TPM1: variants seen among roughly 807,000 people sequenced by gnomAD.
TPM1 encodes tropomyosin 1.
Under a neutral mutation model 42.9 loss-of-function variants are expected in TPM1, and 24 were observed. The ratio of observed to expected loss-of-function variants is 0.56; its 90% CI spans 0.41 to 0.79. The LOEUF is 0.79. TPM1 is among the 30% of genes least tolerant of loss of function. TPM1 has a pLI of 0.00. For synonymous variants in TPM1, 136 were observed against 130.1 expected, an observed-to-expected ratio of 1.05 and a Z score of -0.31; for missense variants, 158 against 351.8, an observed-to-expected ratio of 0.45 and a Z score of 4.41.
At chr15:63,070,876 T>C, downstream of TPM1, 1 of 1,350,036 alleles carries the variant, frequency 7.4e-7, no homozygotes, top group Non-Finnish European at 9.6e-7. Flanking sequence ...ACCTGACTGC[T>C]CTGTGAGAAT....
At chr15:63,063,522 A>G (rs2035924280) in intron 8 of TPM1, 1 of 256,558 alleles carries the variant, frequency 3.9e-6, no homozygotes, top group Non-Finnish European at 6.1e-6. Context: ...CTTAAATGGC[A>G]CTAAGAAATC....
At chr15:63,050,249 A>G (rs1396524370) in intron 2 of TPM1, among the ~76,000 whole-genome samples, 1 of 152,218 alleles carries the variant, frequency 6.6e-6, no homozygotes, top group East Asian at 1.9e-4. Flanking sequence ...TGGCCTGCTC[A>G]TTTCATGACA....
chr15:63,061,441 C>A, intron 5 of TPM1: 2 of 792,224 alleles, frequency 2.5e-6, no homozygotes. Flanking sequence ...CTTTGTTTTC[C>A]CTTCATAAAT....
intron 2 of TPM1, chr15:63,047,927 G>A: frequency 4.8e-6 from 1 of 210,374 alleles, no homozygotes; most frequent in Non-Finnish European, 9.7e-6. Flanking sequence ...TAGGAAAACT[G>A]CATTTAGAAC....
In TPM1 at chr15:63,066,000, C is replaced by A; in HGVS notation, c.*101C>A. ...ATTCTCCAGCTGACCCTGGTTCTCT[C>A]TCTTAGCATCCTGCCTTAGAGCCAG... On this transcript the variant is annotated 3_prime_UTR_variant, in exon 10 of 10. Coordinates refer to ENST00000403994, the MANE Select transcript of TPM1 (RefSeq NM_001018005.2). 6.4e-7 allele frequency: 1 copy of A among 1,563,710 alleles called. No homozygotes were observed. The highest frequency in any genetic ancestry group is 8.7e-7 in the Non-Finnish European group (1 of 1,154,036).
At chr15:63,061,619 A>G in intron 5 of TPM1, 94 bp from the exon 6 acceptor site, 1 of 1,186,608 alleles carries the variant, frequency 8.4e-7, no homozygotes, top group Non-Finnish European at 1.3e-6. Context: ...CGTCTCTAGG[A>G]CTCAGTTTTC....
intron 2 of TPM1, chr15:63,048,629 G>C: frequency 1.3e-6 from 2 of 1,536,934 alleles, no homozygotes; most frequent in Non-Finnish European, 1.8e-6. Context: ...GGAGCCTGCA[G>C]GAGCAGGCGG....
downstream of TPM1, chr15:63,071,082 C>T (rs780444222): frequency 3.1e-6 from 5 of 1,613,868 alleles, no homozygotes; most frequent in South Asian, 5.5e-5. Flanking sequence ...TTTCTAATCT[C>T]ACCACAGAGA....
intron 3 of TPM1, among the ~76,000 whole-genome samples, chr15:63,058,041 A>C (rs964422445): frequency 3.3e-5 from 5 of 152,242 alleles, no homozygotes; most frequent in Non-Finnish European, 7.3e-5. Context: ...ATAAAGAGTG[A>C]TTTCAGACTT....
At chr15:63,043,939 T>C in intron 1 of TPM1, 88 bp from the exon 2 acceptor site, 10 of 1,561,486 alleles carry the variant, frequency 6.4e-6, no homozygotes, top group Non-Finnish European at 8.7e-6. Context: ...CCTGTCCTTC[T>C]GGTTCTGTGC....
downstream of TPM1, chr15:63,070,060 C>A (rs764526574): frequency 1.9e-6 from 3 of 1,559,582 alleles, no homozygotes; most frequent in Non-Finnish European, 2.6e-6. Context: ...TGCAGAAATG[C>A]AAATGCAAGG....
At chr15:63,069,925 G>A (rs1292574383), downstream of TPM1, 1 of 1,614,100 alleles carries the variant, frequency 6.2e-7, no homozygotes, top group Non-Finnish European at 8.5e-7. Context: ...AACTAAAGCT[G>A]GCCCTGAATG....
intron 3 of TPM1, among the ~76,000 whole-genome samples, chr15:63,058,185 T>C (rs1055289767): frequency 6.6e-6 from 1 of 152,226 alleles, no homozygotes; most frequent in Non-Finnish European, 1.5e-5. Context: ...AAGAGCAGTT[T>C]TGTGGCTGAC....
intron 2 of TPM1, chr15:63,045,256 A>C (rs1018187061): frequency 1.3e-5 from 2 of 152,142 alleles, no homozygotes; most frequent in African/African-American, 4.8e-5. Flanking sequence ...AAGGCTTGAG[A>C]TGTATATCCA....
At position 63,048,622 on chromosome 15, in the gene TPM1, G is replaced by T. The variant is rs199476308; in HGVS notation, c.240+4470G>T. On this transcript the variant is annotated intron_variant, in intron 2 of 9. Transcript: ENST00000403994. ...GAGGCGGTGCGCAGGAAGATCCGGA[G>T]CCTGCAGGAGCAGGCGGACGCCGCT... 7.8e-6 allele frequency: 12 copies of T among 1,535,448 alleles called. No homozygotes were observed. The highest frequency in any genetic ancestry group is 2.8e-5 in the African/African-American group (2 of 70,840).
intron 2 of TPM1, chr15:63,048,576 A>T: frequency 1.3e-6 from 2 of 1,526,730 alleles, no homozygotes; most frequent in Non-Finnish European, 1.8e-6. Context: ...GTCCGGCGCG[A>T]TGGCGGGGAG....
intron 2 of TPM1, chr15:63,055,765 A>T (rs547802552): frequency 4.6e-5 from 7 of 152,308 alleles, no homozygotes; most frequent in Non-Finnish European, 1.0e-4. Flanking sequence ...ATTTTACCTG[A>T]TTAGTAAATT....
chr15:63,052,005 G>A (rs149724941), intron 2 of TPM1, among the ~76,000 whole-genome samples: 1 of 151,106 alleles, frequency 6.6e-6, no homozygotes, highest in African/African-American at 2.4e-5. Flanking sequence ...TGGGGTGCAT[G>A]CCCTTAGAGG....
At chr15:63,059,779 C>T (rs2035347089) in intron 4 of TPM1, 99 bp downstream of exon 4, 1 of 843,602 alleles carries the variant, frequency 1.2e-6, no homozygotes, top group Non-Finnish European at 2.0e-6. Flanking sequence ...AGGCCATCTG[C>T]TTTGTTGGCA....
Sources: allele counts gnomAD v4.1 joint callset (sites outside exome capture counted in the v4.1 genomes callset), GRCh38; gene constraint gnomAD v4.1.1; transcripts MANE v1.5; gene names NCBI Gene and HGNC (gene_info 2026-07-23, HGNC 2026-07-21).